Variants in MOB3A observed in about 807,000 individuals in gnomAD.
The protein encoded by MOB3A is MOB LAK.
A neutral mutation model predicts 17.8 loss-of-function variants in MOB3A; 17 were observed. The ratio of observed to expected loss-of-function variants is 0.95; its 90% confidence interval spans 0.65 to 1.43. The LOEUF is 1.43. Among genes scored for constraint, MOB3A ranks in the 40% most tolerant of loss-of-function variants. The pLI, the probability that MOB3A is intolerant of heterozygous loss-of-function variation, is 0.00. For missense variants in MOB3A, 333 were observed against 310.8 expected, an observed-to-expected ratio of 1.07 and a Z score of -0.54; for synonymous variants, 124 against 133.2, an observed-to-expected ratio of 0.93 and a Z score of 0.48.
At chr19:2,077,455 C>G (rs943249554) in intron 3 of MOB3A, among the ~76,000 whole-genome samples, 1 of 152,014 alleles carries the variant, frequency 6.6e-6, no homozygotes, top group Non-Finnish European at 1.5e-5. Flanking sequence ...TCTGGAGGGA[C>G]GTGCCCTAAT....
At position 2,076,852 on chromosome 19, in the gene MOB3A, T is replaced by C. The variant is rs748034778; in HGVS notation, c.583A>G (p.Lys195Glu). The change falls in exon 4 of 5, where the codon AAG (lysine) becomes GAG (glutamate). Residue 195 changes from lysine (K) to glutamate (E), a missense_variant. Lys to Glu is a moderately conservative substitution (Grantham distance 56, BLOSUM62 1). Coordinates refer to ENST00000357066, the MANE Select transcript of MOB3A (RefSeq NM_130807.3). ...TCYKHFYYFV[K>E]EFGLIDTKEL... The stretch of plus-strand genomic sequence containing the variant: ...TTGGTGTCGATGAGGCCGAACTCCT[T>C]GACGAAATAGTAGAAGTGCTTGTAG... 27 of 1,613,886 alleles carry C rather than the reference T, an allele frequency of 1.7e-5. No homozygotes were observed. Among genetic ancestry groups the C allele is most frequent in the Non-Finnish European group, 2.3e-5 (27 of 1,180,020 alleles).
rs1378495989 is a variant in MOB3A at position 2,071,528 on chromosome 19, G to C, written c.*1867C>G. ...CTTCTGTGTGGTCTGGGACAGTGCA[G>C]GGCTCAGGCAGGAAGGACCACTGTG... On this transcript the variant is annotated 3_prime_UTR_variant, in exon 5 of 5. Coordinates refer to ENST00000357066, the MANE Select transcript of MOB3A (RefSeq NM_130807.3). The C allele has an allele frequency of 6.6e-6, 1 of 152,558 alleles. No homozygotes were observed. Among genetic ancestry groups the C allele is most frequent in the African/African-American group, 2.4e-5 (1 of 41,472 alleles). 9.5% of individuals were successfully genotyped at this position (152,558 alleles called of 1,614,324 possible).
chr19:2,081,075 T>TC (rs2017481190), intron 2 of MOB3A, among the ~76,000 whole-genome samples: 1 of 151,758 alleles, frequency 6.6e-6, no homozygotes, highest in Admixed American at 6.6e-5. Context: ...GAGGCTGCAG[T>TC]GAGCCTCGAA....
rs1397737524 is a variant in MOB3A, at chr19:2,072,287, A to G, written c.*1108T>C. On this transcript the variant is annotated 3_prime_UTR_variant, in exon 5 of 5. Transcript: ENST00000357066. ...GAAATCTTGTCTCTACTAAAACTACAATAATTTCCTGGGCGTGGTGGCGCA... is the reference window on the plus strand; with the variant it reads ...GAAATCTTGTCTCTACTAAAACTACGATAATTTCCTGGGCGTGGTGGCGCA... The G allele has an allele frequency of 4.6e-5, 7 of 152,038 alleles. No homozygotes were observed. The highest frequency in any genetic ancestry group is 1.7e-4 in the African/African-American group (7 of 41,376). The allele number at this position is 152,038 out of a possible 1,614,324, so 9.4% of individuals were successfully genotyped here.
At chr19:2,088,450 T>C (rs1467508153) in intron 1 of MOB3A, among the ~76,000 whole-genome samples, 1 of 152,032 alleles carries the variant, frequency 6.6e-6, no homozygotes, top group Non-Finnish European at 1.5e-5. Flanking sequence ...ACTCCTGGCG[T>C]GCGTCCAGAT....
chr19:2,077,218 T>C (rs957174555), intron 3 of MOB3A, among the ~76,000 whole-genome samples: 9 of 152,112 alleles, frequency 5.9e-5, no homozygotes, highest in Admixed American at 5.9e-4. Flanking sequence ...CTGGCCAACA[T>C]GGAGAAACCC....
At chr19:2,083,600 G>A (rs1466394359) in intron 2 of MOB3A, among the ~76,000 whole-genome samples, 1 of 152,170 alleles carries the variant, frequency 6.6e-6, no homozygotes, top group African/African-American at 2.4e-5. Flanking sequence ...CCGTGCAGGC[G>A]AGCAGATCCC....
chr19:2,076,154 C>T (rs919902276), intron 4 of MOB3A, among the ~76,000 whole-genome samples: 1 of 143,838 alleles, frequency 7.0e-6, no homozygotes, highest in Non-Finnish European at 1.5e-5. Context: ...AAAGGCCAGG[C>T]ACAGTGGCTC....
chr19:2,079,932 G>A (rs1204715024), intron 2 of MOB3A, among the ~76,000 whole-genome samples: 2 of 152,220 alleles, frequency 1.3e-5, no homozygotes, highest in African/African-American at 2.4e-5. Flanking sequence ...CTGGGGTGGG[G>A]ACCCGGCGTC....
At chr19:2,076,003 A>G (rs1162228781) in intron 4 of MOB3A, among the ~76,000 whole-genome samples, 1 of 151,830 alleles carries the variant, frequency 6.6e-6, no homozygotes, top group Non-Finnish European at 1.5e-5. Flanking sequence ...CGTGCCTGTA[A>G]TCCCAGCTAC....
At chr19:2,081,143 G>T (rs1333493381) in intron 2 of MOB3A, among the ~76,000 whole-genome samples, 1 of 151,990 alleles carries the variant, frequency 6.6e-6, no homozygotes, top group Non-Finnish European at 1.5e-5. Flanking sequence ...TAAGGTGTGA[G>T]CAGAGCTGGA....
At chr19:2,087,957 C>T (rs1214158229) in intron 1 of MOB3A, among the ~76,000 whole-genome samples, 1 of 152,240 alleles carries the variant, frequency 6.6e-6, no homozygotes, top group Non-Finnish European at 1.5e-5. Context: ...GGGCAGGAGC[C>T]ATGCTCTGAG....
At chr19:2,092,689 C>T (rs1199891574) in intron 1 of MOB3A, among the ~76,000 whole-genome samples, 3 of 124,334 alleles carry the variant, frequency 2.4e-5, no homozygotes, top group African/African-American at 3.2e-5. Flanking sequence ...GCTCAGGAGG[C>T]GGAGGCTGCA....
intron 1 of MOB3A, among the ~76,000 whole-genome samples, chr19:2,091,259 T>C (rs2017610586): frequency 6.6e-6 from 1 of 152,216 alleles, no homozygotes; most frequent in Non-Finnish European, 1.5e-5. Flanking sequence ...CTTCTCATCC[T>C]TGTGTAACCC....
intron 2 of MOB3A, among the ~76,000 whole-genome samples, chr19:2,084,814 C>T (rs529491845): frequency 6.6e-6 from 1 of 152,216 alleles, no homozygotes; most frequent in East Asian, 1.9e-4. Context: ...TGGTCTCAAA[C>T]TCTTTACCTC....
intron 1 of MOB3A, among the ~76,000 whole-genome samples, chr19:2,091,431 T>G (rs2017612625): frequency 6.6e-6 from 1 of 152,058 alleles, no homozygotes; most frequent in Non-Finnish European, 1.5e-5. Context: ...TCACCCAGGC[T>G]GGAGTGCAGT....
intron 4 of MOB3A, 113 bp downstream of exon 4, chr19:2,076,698 G>T: frequency 2.7e-6 from 3 of 1,107,744 alleles, no homozygotes; most frequent in Non-Finnish European, 3.9e-6. Flanking sequence ...AGCCGGGGCC[G>T]CCAGCTGCTG....
Position 2,082,293 on chromosome 19 carries a change from G to A in MOB3A, c.-120+2882C>T, listed in dbSNP as rs2017498887. Among the ~76,000 whole-genome samples, 1 of 152,230 alleles carries A rather than the reference G, an allele frequency of 6.6e-6. No homozygotes were observed. The highest frequency in any genetic ancestry group is 1.5e-5 in the Non-Finnish European group (1 of 68,034). ...GGGTTGGATCGTTCTCTGGGGTGGG[G>A]CCGTCAGGGGCACTGCAAGGTGCTG... On this transcript the variant is annotated intron_variant, in intron 2 of 4. Transcript: ENST00000357066. The surrounding 1 kb of genome is among the most constrained non-coding windows in gnomAD (Gnocchi z 4.1).
chr19:2,078,450 C>T lies in MOB3A; in HGVS notation c.111G>A (p.Ala37=), dbSNP rs111231336. ...GCAGGTCCAGCCCGGCGTTCAGCGA[C>T]GCCTGCGCCTTCTTGTGCAGCTCGA... ...QRFELHKKAQ[A]SLNAGLDLRL... The change falls in exon 3 of 5, where the codon GCG becomes GCA. Residue 37 remains alanine, a synonymous_variant. Transcript: ENST00000357066. 1.9e-4 allele frequency: 303 copies of T among 1,613,170 alleles called. No individual in the cohort carries two copies. The highest frequency in any genetic ancestry group is 2.3e-4 in the Non-Finnish European group (269 of 1,179,438).
Sources: gnomAD v4.1 joint callset for allele counts (sites outside exome capture counted in the v4.1 genomes callset) on GRCh38, gnomAD v4.1.1 for gene constraint, Gnocchi (gnomAD v3.1) non-coding constraint, MANE v1.5 for transcripts, NCBI Gene and HGNC (gene_info 2026-07-23, HGNC 2026-07-21) for gene names.